Variants in XPOT observed in about 807,000 individuals in gnomAD.
The protein encoded by XPOT is exportin for tRNA, also known as exportin-T.
Under a neutral mutation model 128.2 loss-of-function variants are expected in XPOT, and 34 were observed. That is an observed-to-expected ratio of 0.27 (90% CI 0.20 to 0.35). XPOT has a LOEUF of 0.35. Ranked by LOEUF, XPOT falls within the 10% of genes least tolerant of loss-of-function variation. XPOT has a pLI of 1.00. For synonymous variants in XPOT, 348 were observed against 394.3 expected (o/e 0.88, Z 1.39); for missense variants, 838 against 1,125.3 (o/e 0.74, Z 3.65).
intron 22 of XPOT, among the ~76,000 whole-genome samples, chr12:64,437,926 C>G (rs2136035009): frequency 6.6e-6 from 1 of 152,300 alleles, no homozygotes; most frequent in African/African-American, 2.4e-5. Flanking sequence ...TTGCAGTGAG[C>G]TGAGATCGTG....
At chr12:64,406,061 C>T (rs1005299009) in intron 1 of XPOT, among the ~76,000 whole-genome samples, 13 of 152,230 alleles carry the variant, frequency 8.5e-5, no homozygotes, top group Non-Finnish European at 1.8e-4. Flanking sequence ...TTCAGAGTGA[C>T]TTGACCAAGC....
chr12:64,425,207 A>G (rs752835533), intron 13 of XPOT, 25 bp downstream of exon 13: 1 of 1,613,100 alleles, frequency 6.2e-7, no homozygotes, highest in Non-Finnish European at 8.5e-7. Context: ...GATAATTTTG[A>G]CCATAAATTT....
intron 16 of XPOT, 44 bp from the exon 17 acceptor site, chr12:64,430,005 A>G (rs2040225533): frequency 6.7e-7 from 1 of 1,490,842 alleles, no homozygotes; most frequent in Admixed American, 2.4e-5. Flanking sequence ...AAATGAAGGG[A>G]ACTCAAAAAA....
Position 64,418,859 on chromosome 12 carries a change from G to C in XPOT, c.271-17G>C. ...CAATTTACATTTAATTTTATGGACT[G>C]TTTCTCTGTTTGTCAGATGCTGAAT... On this transcript the variant is annotated splice_polypyrimidine_tract_variant and intron_variant, in intron 5 of 24. Coordinates refer to ENST00000332707, the MANE Select transcript of XPOT (RefSeq NM_007235.6). The C allele has an allele frequency of 2.5e-6, 4 of 1,610,642 alleles. No individual in the cohort carries two copies. The highest frequency in any genetic ancestry group is 3.4e-6 in the Non-Finnish European group (4 of 1,178,038).
chr12:64,429,212 A>G (rs1355159083), intron 16 of XPOT, among the ~76,000 whole-genome samples: 1 of 152,198 alleles, frequency 6.6e-6, no homozygotes, highest in Admixed American at 6.5e-5. Flanking sequence ...TCAAGGCCGC[A>G]GAAGAAAAGT....
rs1280652235 is a variant in XPOT at position 64,448,969 on chromosome 12, C to G, written c.*838C>G. 6.6e-6 allele frequency: 1 copy of G among 152,164 alleles called. No homozygotes were observed. Among genetic ancestry groups the G allele is most frequent in the African/African-American group, 2.4e-5 (1 of 41,424 alleles). The allele number at this position is 152,164 out of a possible 1,614,324, so 9.4% of individuals were successfully genotyped here. ...ATCCCAGAACTTTGGGAGGCCAAGGCAGGTGGATCACTTGAGGTCAGGAGT... is the reference window on the plus strand; with the variant it reads ...ATCCCAGAACTTTGGGAGGCCAAGGGAGGTGGATCACTTGAGGTCAGGAGT... On this transcript the variant is annotated 3_prime_UTR_variant, in exon 25 of 25. Transcript: ENST00000332707.
chr12:64,431,982 T>C (rs574892450), intron 18 of XPOT, among the ~76,000 whole-genome samples, 159 bp downstream of exon 18: 58 of 152,324 alleles, frequency 3.8e-4, no homozygotes, highest in African/African-American at 1.3e-3. Context: ...CTGTGGTGTC[T>C]GGCACACTGC....
At chr12:64,408,159 G>A (rs1438241089) in intron 1 of XPOT, among the ~76,000 whole-genome samples, 3 of 152,156 alleles carry the variant, frequency 2.0e-5, no homozygotes, top group African/African-American at 4.8e-5. Context: ...ACCCAGGCTG[G>A]AGTGCAGTGG....
chr12:64,434,036 G>C (rs1480456587), intron 19 of XPOT, among the ~76,000 whole-genome samples: 1 of 152,160 alleles, frequency 6.6e-6, no homozygotes. Context: ...TGATTTGTGA[G>C]ATAGGGTCTC....
intron 2 of XPOT, 50 bp downstream of exon 2, chr12:64,410,145 A>T (rs750545549): frequency 2.1e-5 from 33 of 1,566,504 alleles, no homozygotes; most frequent in Non-Finnish European, 2.8e-5. Context: ...ACAGATTGGC[A>T]TTAGAGGACT....
At position 64,418,736 on chromosome 12, in the gene XPOT, A is replaced by G. The variant is rs1175151622; in HGVS notation, c.271-140A>G. 3 of 663,770 alleles carry G rather than the reference A, an allele frequency of 4.5e-6. No homozygotes were observed. In the African/African-American group the frequency reaches 5.5e-5, roughly 12 times the overall value. 41.1% of individuals were successfully genotyped at this position (663,770 alleles called of 1,614,324 possible). A position where few individuals can be genotyped will look rare whatever the true frequency, so the allele number is the denominator to read the frequency against. Reference sequence around the variant, plus strand: ...TTTTGATAATCATAATTATCAAAATAATTTTGAAGAGTATTTGTTGCATAG... The same window carrying G: ...TTTTGATAATCATAATTATCAAAATGATTTTGAAGAGTATTTGTTGCATAG... On this transcript the variant is annotated intron_variant, in intron 5 of 24. Coordinates refer to ENST00000332707, the MANE Select transcript of XPOT (RefSeq NM_007235.6).
chr12:64,419,395 G>A lies in XPOT; in HGVS notation c.489+301G>A, dbSNP rs187256522. Among the ~76,000 whole-genome samples the A allele has an allele frequency of 1.7e-3, 253 of 152,234 alleles. 2 individuals carry two copies. Among genetic ancestry groups the A allele is most frequent in the Middle Eastern group, 0.01 (3 of 294 alleles). On this transcript the variant is annotated intron_variant, in intron 6 of 24. Transcript: ENST00000332707. Reference sequence around the variant, plus strand: ...TGCAGTGGCACAGTCTTGGCTCACTGCAACCTCCGCCTCCTGGGTTCAAGC... The same window carrying A: ...TGCAGTGGCACAGTCTTGGCTCACTACAACCTCCGCCTCCTGGGTTCAAGC...
At chr12:64,432,410 A>C (rs946687489) in intron 18 of XPOT, among the ~76,000 whole-genome samples, 6 of 151,918 alleles carry the variant, frequency 3.9e-5, no homozygotes, top group African/African-American at 1.5e-4. Context: ...ACACCACGCT[A>C]ATATTTTGTA....
chr12:64,415,085 C>A, intron 3 of XPOT, 96 bp downstream of exon 3: 68 of 713,034 alleles, frequency 9.5e-5, no homozygotes, highest in Middle Eastern at 4.3e-4. Context: ...TTCATAAAAA[C>A]ATTTTATGAC....
intron 9 of XPOT, 83 bp from the exon 10 acceptor site, chr12:64,422,922 A>G (rs2040153204): frequency 3.3e-6 from 4 of 1,203,468 alleles, no homozygotes; most frequent in Non-Finnish European, 4.7e-6. Flanking sequence ...AAAAAAAACC[A>G]GGTCTTAATT....
chr12:64,421,232 T>C lies in XPOT; in HGVS notation c.844-3T>C. 6.2e-7 allele frequency: 1 copy of C among 1,609,512 alleles called. No homozygotes were observed. Among genetic ancestry groups the C allele is most frequent in the Non-Finnish European group, 8.5e-7 (1 of 1,175,896 alleles). On this transcript the variant is annotated splice_polypyrimidine_tract_variant and splice_region_variant and intron_variant, in intron 8 of 24. Coordinates refer to ENST00000332707, the MANE Select transcript of XPOT (RefSeq NM_007235.6). ...AACAGAGATGTGTCTTGATTGCTTA[T>C]AGGAAGAAGATGTTGACTTCCTGGC...
Position 64,425,115 on chromosome 12 carries a change from T to C in XPOT, c.1385T>C (p.Val462Ala). 1 of 1,613,996 alleles carries C rather than the reference T, an allele frequency of 6.2e-7. No homozygotes were observed. Among genetic ancestry groups the C allele is most frequent in the Non-Finnish European group, 8.5e-7 (1 of 1,179,990 alleles). Reference protein sequence around the residue: ...LLYMLAEALPVSHGAHFSGDV... With the variant: ...LLYMLAEALPASHGAHFSGDV... ...TATATGTTGGCAGAAGCTCTTCCAG[T>C]ATCTCATGGTGCTCACTTCTCAGGT... The change falls in exon 13 of 25, where the codon GTA becomes GCA. Residue 462 changes from valine (V) to alanine (A), a missense_variant. Val to Ala is a moderately conservative substitution (Grantham distance 64). Coordinates refer to ENST00000332707, the MANE Select transcript of XPOT (RefSeq NM_007235.6).
rs888459185 is a variant in XPOT at position 64,450,775 on chromosome 12, G to C, written c.*2644G>C. On this transcript the variant is annotated 3_prime_UTR_variant, in exon 25 of 25. Coordinates refer to ENST00000332707, the MANE Select transcript of XPOT (RefSeq NM_007235.6). ...TTGGGGATTTGTTTGACTTGACTAG[G>C]GAACCACAAGTTTTCATATAATGCC... 3 of 152,188 alleles carry C rather than the reference G, an allele frequency of 2.0e-5. No homozygotes were observed. The highest frequency in any genetic ancestry group is 7.2e-5 in the African/African-American group (3 of 41,448). The allele number at this position is 152,188 out of a possible 1,614,324, so 9.4% of individuals were successfully genotyped here.
intron 19 of XPOT, 141 bp downstream of exon 19, chr12:64,433,744 G>T (rs954485449): frequency 2.8e-6 from 2 of 712,496 alleles, no homozygotes. Flanking sequence ...TGTTTTCAGG[G>T]TGGGAATTGA....
Sources: gnomAD v4.1 joint callset for allele counts (sites outside exome capture counted in the v4.1 genomes callset) on GRCh38, gnomAD v4.1.1 for gene constraint, MANE v1.5 for transcripts, NCBI Gene and HGNC (gene_info 2026-07-23, HGNC 2026-07-21) for gene names.